Variants in SDK1 observed in about 807,000 individuals in gnomAD.
SDK1 encodes the protein protein sidekick-1.
In SDK1, 157 loss-of-function variants were observed where a neutral mutation model predicts 245.5. That is an observed-to-expected ratio of 0.64 (90% CI 0.56 to 0.73). The LOEUF (loss-of-function observed/expected upper bound fraction) is 0.73. Among genes scored for constraint, SDK1 ranks in the 30% least tolerant of loss-of-function variants. The pLI is 0.00. For synonymous variants in SDK1, 1,647 were observed against 1,278.5 expected, an observed-to-expected ratio of 1.29 and a Z score of -6.15; for missense variants, 3,583 against 3,002.3, an observed-to-expected ratio of 1.19 and a Z score of -4.52.
chr7:3,673,060 A>G (rs1783771103), intron 4 of SDK1, among the ~76,000 whole-genome samples: 1 of 151,978 alleles, frequency 6.6e-6, no homozygotes, highest in Admixed American at 6.6e-5. Context: ...GTAAATAAAT[A>G]CTTAAAGTAT....
chr7:3,521,060 C>T (rs539556906), intron 1 of SDK1, among the ~76,000 whole-genome samples: 4 of 152,252 alleles, frequency 2.6e-5, no homozygotes, highest in South Asian at 2.1e-4. Flanking sequence ...TCCAAACTTA[C>T]TAGAATTGCC....
At chr7:3,781,156 A>G (rs1367982314) in intron 4 of SDK1, among the ~76,000 whole-genome samples, 1 of 152,108 alleles carries the variant, frequency 6.6e-6, no homozygotes, top group African/African-American at 2.4e-5. Flanking sequence ...GTCCCAAGCA[A>G]TGACTTTGCT....
chr7:4,262,018 CTTTTTTTTTTTTT>C (rs34610558), intron 44 of SDK1, among the ~76,000 whole-genome samples: 8 of 59,252 alleles, frequency 1.4e-4, no homozygotes, highest in African/African-American at 1.9e-4. Context: ...CTGCTTTCTC[CTTTTTTTTTTTTT>C]TTTTTTTTTT....
At chr7:3,942,369 A>G (rs1425953500) in intron 5 of SDK1, among the ~76,000 whole-genome samples, 1 of 152,228 alleles carries the variant, frequency 6.6e-6, no homozygotes, top group Admixed American at 6.5e-5. Flanking sequence ...TCAGAGGAGC[A>G]GGGGTCCCCA....
intron 1 of SDK1, among the ~76,000 whole-genome samples, chr7:3,321,855 TTCTCTC>T (rs1779823670): frequency 7.1e-6 from 1 of 141,340 alleles, no homozygotes; most frequent in African/African-American, 2.7e-5. Flanking sequence ...CTCTCTCTCT[TTCTCTC>T]TTTGTTTCCA....
chr7:3,735,944 C>G (rs1032980159), intron 4 of SDK1, among the ~76,000 whole-genome samples: 2 of 152,318 alleles, frequency 1.3e-5, no homozygotes, highest in East Asian at 1.9e-4. Flanking sequence ...ATTGGTGCAA[C>G]TTAGCATCTT....
chr7:4,157,251 C>T (rs369977955), intron 30 of SDK1, among the ~76,000 whole-genome samples: 15 of 145,542 alleles, frequency 1.0e-4, no homozygotes, highest in African/African-American at 2.6e-4. Context: ...GCTGGACGGA[C>T]GGACGGAAGG....
chr7:4,232,376 C>T (rs28541618), intron 40 of SDK1, among the ~76,000 whole-genome samples: 17 of 115,966 alleles, frequency 1.5e-4, no homozygotes, highest in South Asian at 5.5e-4. Context: ...TTTTTTTTTT[C>T]CTTTTTTCTT....
chr7:3,446,243 C>A (rs1780337788), intron 1 of SDK1, among the ~76,000 whole-genome samples: 1 of 152,062 alleles, frequency 6.6e-6, no homozygotes, highest in Non-Finnish European at 1.5e-5. Flanking sequence ...CTGTCTGTAA[C>A]CTTGAAACCC....
intron 44 of SDK1, among the ~76,000 whole-genome samples, chr7:4,251,142 G>C (rs1469192783): frequency 6.6e-6 from 1 of 152,092 alleles, no homozygotes; most frequent in Non-Finnish European, 1.5e-5. Context: ...TATTATATGG[G>C]GGGAAATTCC....
intron 1 of SDK1, among the ~76,000 whole-genome samples, chr7:3,303,128 T>G (rs1779325435): frequency 6.6e-6 from 1 of 152,212 alleles, no homozygotes; most frequent in African/African-American, 2.4e-5. Flanking sequence ...ATTGCCATAT[T>G]TCTGGTTAAT....
chr7:3,727,818 A>T (rs2115037256), intron 4 of SDK1, among the ~76,000 whole-genome samples: 1 of 152,250 alleles, frequency 6.6e-6, no homozygotes, highest in Admixed American at 6.5e-5. Context: ...GTCACCAGGA[A>T]TAAAATATAT....
At chr7:3,399,541 A>G (rs893838000) in intron 1 of SDK1, among the ~76,000 whole-genome samples, 22 of 152,118 alleles carry the variant, frequency 1.4e-4, no homozygotes, top group African/African-American at 5.3e-4. Flanking sequence ...TTAATGTGTA[A>G]ACTTTGGAAG....
chr7:3,869,426 G>A, intron 5 of SDK1, among the ~76,000 whole-genome samples: 1 of 152,098 alleles, frequency 6.6e-6, no homozygotes. Context: ...AAAGTGCTGG[G>A]ATTACAGGTG....
At chr7:3,845,530 C>T (rs922112548) in intron 5 of SDK1, among the ~76,000 whole-genome samples, 3 of 143,084 alleles carry the variant, frequency 2.1e-5, no homozygotes, top group Non-Finnish European at 4.5e-5. Context: ...GAGAAAAGAG[C>T]AAGATGTGGA....
intron 5 of SDK1, among the ~76,000 whole-genome samples, chr7:3,904,671 G>A (rs1019343983): frequency 3.3e-5 from 5 of 152,056 alleles, no homozygotes; most frequent in African/African-American, 1.2e-4. Context: ...TCCAGCCTGA[G>A]AGACAGAGTG....
intron 4 of SDK1, chr7:3,643,833 G>T (rs966961493): frequency 6.0e-5 from 9 of 151,018 alleles, no homozygotes; most frequent in African/African-American, 1.7e-4. Flanking sequence ...TCTAGTTCTG[G>T]ACCAGGATCT....
chr7:4,242,896 G>A (rs1306367271), intron 43 of SDK1, among the ~76,000 whole-genome samples: 2 of 152,142 alleles, frequency 1.3e-5, no homozygotes, highest in Non-Finnish European at 2.9e-5. Context: ...GGCACGGGTG[G>A]GCCTTCTCCC....
intron 4 of SDK1, among the ~76,000 whole-genome samples, chr7:3,654,409 C>A (rs34188874): frequency 0.24 from 36,877 of 152,116 alleles, 4,933 homozygotes; most frequent in Non-Finnish European, 0.3. Context: ...CAGAGCCTCA[C>A]CGTGCAGAGC....
Sources: allele counts gnomAD v4.1 joint callset (sites outside exome capture counted in the v4.1 genomes callset), GRCh38; gene constraint gnomAD v4.1.1; transcripts MANE v1.5; gene names NCBI Gene and HGNC (gene_info 2026-07-23, HGNC 2026-07-21).